Variants in AKAP6 observed in about 807,000 individuals in gnomAD.
AKAP6 encodes A-kinase anchor protein 6.
AKAP6 carries 58 observed loss-of-function variants against 188.5 expected under a neutral mutation model. The observed-to-expected ratio is 0.31, with a 90% CI of 0.25 to 0.38. The LOEUF (loss-of-function observed/expected upper bound fraction) is 0.38. AKAP6 is among the 10% of genes least tolerant of loss of function. AKAP6 has a pLI of 1.00. For missense variants in AKAP6, 2,710 were observed against 2,740.0 expected, an observed-to-expected ratio of 0.99 and a Z score of 0.24; for synonymous variants, 989 against 998.6, an observed-to-expected ratio of 0.99 and a Z score of 0.18.
rs2034815666 is a variant in AKAP6, at chr14:32,831,312, A to G, written c.*1507A>G. 1 of 152,208 alleles carries G rather than the reference A, an allele frequency of 6.6e-6. No homozygotes were observed. The highest frequency in any genetic ancestry group is 1.5e-5 in the Non-Finnish European group (1 of 68,038). 9.4% of individuals were successfully genotyped at this position (152,208 alleles called of 1,614,324 possible). On this transcript the variant is annotated 3_prime_UTR_variant, in exon 14 of 14. Transcript: ENST00000280979. ...ATCGTAACACCTACTTAAGTGCCTG[A>G]CACAGTAGGTATTCAATAAAAATTT... is the stretch of plus-strand genomic sequence containing the variant.
intron 12 of AKAP6, among the ~76,000 whole-genome samples, chr14:32,807,123 A>C (rs1411616831): frequency 6.6e-6 from 1 of 151,840 alleles, no homozygotes; most frequent in Non-Finnish European, 1.5e-5. Flanking sequence ...AGGCAGGAGG[A>C]TCGCTTGAGG....
chr14:32,391,826 C>T (rs1183944596), intron 1 of AKAP6, among the ~76,000 whole-genome samples: 1 of 152,102 alleles, frequency 6.6e-6, no homozygotes, highest in African/African-American at 2.4e-5. Flanking sequence ...AACTATGAAT[C>T]AATTAAAGCT....
intron 7 of AKAP6, among the ~76,000 whole-genome samples, chr14:32,635,512 A>G (rs1462082047): frequency 6.6e-6 from 1 of 152,112 alleles, no homozygotes; most frequent in African/African-American, 2.4e-5. Context: ...ACTACCCTCA[A>G]CAGAGAACTC....
rs1180591414 is a variant in AKAP6 at position 32,835,015 on chromosome 14, T to C, written c.*5210T>C. The C allele has an allele frequency of 2.0e-5, 3 of 152,338 alleles. No homozygotes were observed. In the East Asian group the frequency reaches 5.8e-4, roughly 29 times the overall value. 9.4% of individuals were successfully genotyped at this position (152,338 alleles called of 1,614,324 possible). A position where few individuals can be genotyped will look rare whatever the true frequency, so the allele number is the denominator to read the frequency against. On this transcript the variant is annotated 3_prime_UTR_variant, in exon 14 of 14. Transcript: ENST00000280979. ...TATGAAATTTAAATTTTGGTGTCCA[T>C]GTATAAAGTTTTATTAGAACACATC...
intron 2 of AKAP6, among the ~76,000 whole-genome samples, chr14:32,503,211 A>G (rs1462910040): frequency 1.3e-5 from 2 of 152,034 alleles, no homozygotes; most frequent in Non-Finnish European, 2.9e-5. Flanking sequence ...ATGTTTAACG[A>G]TCATTTGTGT....
chr14:32,383,087 ATGTGTGTGTG>A lies in AKAP6; in HGVS notation c.-34-50337_-34-50328del, dbSNP rs3031402. Among the ~76,000 whole-genome samples, 961 of 143,246 alleles carry A rather than the reference ATGTGTGTGTG, an allele frequency of 6.7e-3. 4 individuals carry two copies. Among genetic ancestry groups the A allele is most frequent in the Middle Eastern group, 0.014 (4 of 290 alleles). The allele number at this position is 143,246 out of a possible 152,430, so 94.0% of individuals were successfully genotyped here. A position where few individuals can be genotyped will look rare whatever the true frequency, so the allele number is the denominator to read the frequency against. On this transcript the variant is annotated intron_variant, in intron 1 of 13. Coordinates refer to ENST00000280979, the MANE Select transcript of AKAP6 (RefSeq NM_004274.5). ...GGTTCTAATCAGGAGGGCAGATTTT[ATGTGTGTGTG>A]TGTGTGTGTGTGTGTGTGTGTGTGT... is the stretch of plus-strand genomic sequence containing the variant.
chr14:32,446,345 T>C (rs1890754789), intron 2 of AKAP6, among the ~76,000 whole-genome samples: 1 of 152,182 alleles, frequency 6.6e-6, no homozygotes, highest in Non-Finnish European at 1.5e-5. Context: ...AGTAACGAGC[T>C]AGGTAAATAA....
intron 12 of AKAP6, among the ~76,000 whole-genome samples, chr14:32,818,833 G>A (rs931354538): frequency 6.6e-6 from 1 of 152,098 alleles, no homozygotes; most frequent in East Asian, 1.9e-4. Flanking sequence ...GATCCTTGTG[G>A]AAAATCTGTG....
chr14:32,575,816 C>A (rs1419649118), intron 4 of AKAP6, among the ~76,000 whole-genome samples: 3 of 152,082 alleles, frequency 2.0e-5, no homozygotes, highest in African/African-American at 7.2e-5. Context: ...AGACTGAGCT[C>A]TATCTAAACA....
In AKAP6 at chr14:32,486,295, A is replaced by G. The variant is rs567200199; in HGVS notation, c.325-49259A>G. Among the ~76,000 whole-genome samples the G allele has an allele frequency of 7.2e-5, 11 of 152,108 alleles. No individual in the cohort carries two copies. The East Asian group carries it at 1.9e-3, about 27-fold the overall frequency. On this transcript the variant is annotated intron_variant, in intron 2 of 13. Transcript: ENST00000280979. ...TTTTGCTTAGGATTGTCTTGGCTAT[A>G]TGGGCTCTTTTTTGGTTCCATATTA...
chr14:32,410,542 G>A (rs539185389), intron 1 of AKAP6, among the ~76,000 whole-genome samples: 595 of 152,256 alleles, frequency 3.9e-3, no homozygotes, highest in Non-Finnish European at 6.4e-3. Context: ...GTCCTCCGGA[G>A]GGCTGTGTCA....
chr14:32,334,206 G>C (rs1053524105), intron 1 of AKAP6, among the ~76,000 whole-genome samples: 1 of 152,140 alleles, frequency 6.6e-6, no homozygotes, highest in African/African-American at 2.4e-5. Flanking sequence ...GCCTTTTGTG[G>C]TTATGGTTAT....
chr14:32,530,721 G>A (rs1882374357), intron 2 of AKAP6, among the ~76,000 whole-genome samples: 1 of 152,226 alleles, frequency 6.6e-6, no homozygotes, highest in East Asian at 1.9e-4. Flanking sequence ...CCTCATTTCT[G>A]TCTCTAGCTG....
At chr14:32,577,070 T>G (rs1347871180) in intron 4 of AKAP6, 50 bp from the exon 5 acceptor site, 2 of 1,576,964 alleles carry the variant, frequency 1.3e-6, no homozygotes, top group Non-Finnish European at 1.7e-6. Context: ...AATAACCAAC[T>G]AACATGCCTT....
At chr14:32,585,009 C>G (rs1274644155) in intron 5 of AKAP6, among the ~76,000 whole-genome samples, 1 of 147,230 alleles carries the variant, frequency 6.8e-6, no homozygotes, top group African/African-American at 2.5e-5. Context: ...GAATAACTGT[C>G]ATAAATAGTT....
Position 32,823,537 on chromosome 14 carries a change from A to C in AKAP6, c.5724A>C (p.Gly1908=), listed in dbSNP as rs2239647. ...AAGGTATTCCAGAAAGGCAAAAGGGAAAACCGAATGTGACTTCAAAGGTAT... is the reference window on the plus strand; with the variant it reads ...AAGGTATTCCAGAAAGGCAAAAGGGCAAACCGAATGTGACTTCAAAGGTAT... ...NIEGIPERQK[G]KPNVTSKVSE... The change falls in exon 13 of 14, where the codon GGA becomes GGC. Residue 1908 remains glycine, a synonymous_variant. Coordinates refer to ENST00000280979, the MANE Select transcript of AKAP6 (RefSeq NM_004274.5). 933,413 of 1,613,548 alleles carry C rather than the reference A, an allele frequency of 0.58. 274,709 individuals are homozygous for C. Among genetic ancestry groups the C allele is most frequent in the African/African-American group, 0.86 (64,739 of 74,958 alleles).
rs568013360 is a variant in AKAP6 at position 32,396,046 on chromosome 14, G to GTATA, written c.-34-37404_-34-37401dup. Among the ~76,000 whole-genome samples, 656 of 151,622 alleles carry GTATA rather than the reference G, an allele frequency of 4.3e-3. 8 individuals carry two copies. Among genetic ancestry groups the GTATA allele is most frequent in the African/African-American group, 0.015 (618 of 41,362 alleles). ...ATATGTCATTAATGAGCTATAATGT[G>GTATA]TATATATATATATCAGTGAAGAAAT... On this transcript the variant is annotated intron_variant, in intron 1 of 13. Coordinates refer to ENST00000280979, the MANE Select transcript of AKAP6 (RefSeq NM_004274.5).
chr14:32,576,223 G>A (rs745646576), intron 4 of AKAP6, among the ~76,000 whole-genome samples: 3 of 152,062 alleles, frequency 2.0e-5, no homozygotes, highest in Non-Finnish European at 4.4e-5. Context: ...TAGGGAAACG[G>A]CATCTCAACC....
At chr14:32,465,136 A>T (rs909721414) in intron 2 of AKAP6, among the ~76,000 whole-genome samples, 3 of 152,230 alleles carry the variant, frequency 2.0e-5, no homozygotes, top group African/African-American at 7.2e-5. Flanking sequence ...GATAGGAAGA[A>T]TCAATATCAT....
Sources: gnomAD v4.1 joint callset for allele counts (sites outside exome capture counted in the v4.1 genomes callset) on GRCh38, gnomAD v4.1.1 for gene constraint, MANE v1.5 for transcripts, NCBI Gene and HGNC (gene_info 2026-07-23, HGNC 2026-07-21) for gene names.